The following BBS4 variants were observed in gnomAD, a reference collection of about 807,000 sequenced individuals.
BBS4 encodes the protein BBSome complex member BBS4.
Under a neutral mutation model 71.4 loss-of-function variants are expected in BBS4, and 58 were observed. The ratio of observed to expected loss-of-function variants is 0.81; its 90% confidence interval spans 0.66 to 1.01. The LOEUF is 1.01. BBS4 is among the 50% of genes least tolerant of loss of function. The pLI, the probability that BBS4 is intolerant of heterozygous loss-of-function variation, is 0.00. For synonymous variants in BBS4, 228 were observed against 216.8 expected (o/e 1.05, Z -0.46); for missense variants, 660 against 607.9 (o/e 1.09, Z -0.90).
intron 6 of BBS4, among the ~76,000 whole-genome samples, chr15:72,719,772 CAG>C (rs2065534116): frequency 7.5e-6 from 1 of 133,222 alleles, no homozygotes; most frequent in Non-Finnish European, 1.6e-5. Flanking sequence ...TTTGTTGAGA[CAG>C]AGTCTCATTC....
chr15:72,734,054 A>G (rs1847531294), intron 12 of BBS4, among the ~76,000 whole-genome samples: 3 of 152,318 alleles, frequency 2.0e-5, no homozygotes, highest in South Asian at 4.1e-4. Flanking sequence ...TTGGCTGCAT[A>G]CATGACTTCT....
Position 72,738,051 on chromosome 15 carries a change from C to CAAATATTAGATTAA in BBS4, c.*465_*478dup, listed in dbSNP as rs1331408453. ...GGTTTATTAGTCCCCAAGGCAAACACAAATATTAGATTAATAATCCAACTT... is the reference window on the plus strand; with the variant it reads ...GGTTTATTAGTCCCCAAGGCAAACACAAATATTAGATTAAAAATATTAGATTAATAATCCAACTT... On this transcript the variant is annotated 3_prime_UTR_variant, in exon 16 of 16. Transcript: ENST00000268057. 2.2e-6 allele frequency: 1 copy of CAAATATTAGATTAA among 453,784 alleles called. No individual in the cohort carries two copies. Among genetic ancestry groups the CAAATATTAGATTAA allele is most frequent in the African/African-American group, 2.0e-5 (1 of 49,904 alleles). The allele number at this position is 453,784 out of a possible 1,614,324, so 28.1% of individuals were successfully genotyped here.
chr15:72,700,349 C>G (rs193019710), intron 2 of BBS4, among the ~76,000 whole-genome samples: 1 of 152,150 alleles, frequency 6.6e-6, no homozygotes, highest in Admixed American at 6.5e-5. Context: ...TTTGTTTTAA[C>G]TTTATAATAA....
chr15:72,698,048 T>G (rs1157887028), intron 2 of BBS4: 1 of 455,870 alleles, frequency 2.2e-6, no homozygotes, highest in African/African-American at 2.0e-5. Flanking sequence ...GTGAGCGAAC[T>G]GATTTACTGC....
intron 4 of BBS4, among the ~76,000 whole-genome samples, chr15:72,712,782 A>G (rs1181986114): frequency 3.9e-5 from 6 of 152,222 alleles, no homozygotes; most frequent in Non-Finnish European, 8.8e-5. Context: ...TGTAGACTTT[A>G]TGTTGTATAC....
At chr15:72,688,046 CAAAAAAAAAAAAA>C (rs199931617) in intron 1 of BBS4, among the ~76,000 whole-genome samples, 5 of 84,890 alleles carry the variant, frequency 5.9e-5, no homozygotes, top group Admixed American at 1.3e-4. Context: ...GACTCCGTCT[CAAAAAAAAAAAAA>C]AAAAAAAAAA....
intron 1 of BBS4, among the ~76,000 whole-genome samples, chr15:72,692,299 T>C (rs1369675979): frequency 6.9e-6 from 1 of 144,694 alleles, no homozygotes; most frequent in Non-Finnish European, 1.5e-5. Flanking sequence ...ATAATTTACA[T>C]TGCAATTTTT....
chr15:72,690,571 T>A (rs1567394612), intron 1 of BBS4, among the ~76,000 whole-genome samples: 1 of 152,182 alleles, frequency 6.6e-6, no homozygotes, highest in Non-Finnish European at 1.5e-5. Flanking sequence ...AGTTAACATT[T>A]AAAAAACAGT....
At chr15:72,714,219 A>AGTTT (rs1296950657) in intron 4 of BBS4, among the ~76,000 whole-genome samples, 5 of 99,286 alleles carry the variant, frequency 5.0e-5, no homozygotes, top group Non-Finnish European at 8.3e-5. Flanking sequence ...CCACTCACTT[A>AGTTT]CTTTTTTTTT....
chr15:72,697,134 C>T (rs577608787), intron 2 of BBS4, among the ~76,000 whole-genome samples: 5 of 151,748 alleles, frequency 3.3e-5, no homozygotes, highest in Non-Finnish European at 7.4e-5. Context: ...GGTTTCACCA[C>T]GTTGGCCAGG....
chr15:72,692,134 C>T (rs56791193), intron 1 of BBS4, among the ~76,000 whole-genome samples: 1 of 151,918 alleles, frequency 6.6e-6, no homozygotes, highest in African/African-American at 2.4e-5. Context: ...TGTAGGTCTT[C>T]TGATGCAATA....
At chr15:72,688,656 G>C (rs768132183) in intron 1 of BBS4, among the ~76,000 whole-genome samples, 3 of 152,046 alleles carry the variant, frequency 2.0e-5, no homozygotes, top group Non-Finnish European at 2.9e-5. Context: ...GCACGCCTCG[G>C]TCTCCCAAAG....
chr15:72,688,494 A>G (rs1325625763), intron 1 of BBS4, among the ~76,000 whole-genome samples: 1 of 132,422 alleles, frequency 7.6e-6, no homozygotes, highest in Non-Finnish European at 1.5e-5. Context: ...GCTCAGTGGA[A>G]CCTCTGCCTC....
At chr15:72,734,316 A>G (rs1389851403) in intron 12 of BBS4, among the ~76,000 whole-genome samples, 1 of 152,262 alleles carries the variant, frequency 6.6e-6, no homozygotes, top group Non-Finnish European at 1.5e-5. Flanking sequence ...TAGAGATGGC[A>G]TTCAAACTGG....
chr15:72,690,944 T>C (rs1308298719), intron 1 of BBS4, among the ~76,000 whole-genome samples: 2 of 152,318 alleles, frequency 1.3e-5, no homozygotes, highest in Middle Eastern at 3.4e-3. Flanking sequence ...TTTTAATTTG[T>C]ATTTCCTTCA....
In BBS4 at chr15:72,735,252, T is replaced by C. The variant is rs557715870; in HGVS notation, c.1106+70T>C. On this transcript the variant is annotated intron_variant, in intron 13 of 15. Transcript: ENST00000268057. The stretch of plus-strand genomic sequence containing the variant: ...CAAAGCCATGAGGTGGTGCCATACA[T>C]AGCATTGGTGCTGCCTGTGTCAGCC... The C allele has an allele frequency of 2.5e-6, 3 of 1,216,192 alleles. No individual in the cohort carries two copies. In the South Asian group the frequency reaches 3.7e-5, roughly 15 times the overall value. The allele number at this position is 1,216,192 out of a possible 1,614,324, so 75.3% of individuals were successfully genotyped here.
At chr15:72,716,999 T>TCAAAAAC in intron 6 of BBS4, 149 bp downstream of exon 6, 1 of 675,976 alleles carries the variant, frequency 1.5e-6, no homozygotes, top group Non-Finnish European at 2.6e-6. Flanking sequence ...AAGTATAGGA[T>TCAAAAAC]CAAAAACCAT....
chr15:72,711,341 G>T (rs1165687972), intron 3 of BBS4, among the ~76,000 whole-genome samples: 1 of 151,466 alleles, frequency 6.6e-6, no homozygotes, highest in African/African-American at 2.4e-5. Flanking sequence ...TAGAGATGGG[G>T]TTTTTCCATG....
intron 1 of BBS4, chr15:72,686,982 A>T (rs980115027): frequency 4.8e-6 from 1 of 207,290 alleles, no homozygotes; most frequent in African/African-American, 2.3e-5. Context: ...TACAAATAGC[A>T]GCCTTTGGCT....
Sources: gnomAD v4.1 joint callset for allele counts (sites outside exome capture counted in the v4.1 genomes callset) on GRCh38, gnomAD v4.1.1 for gene constraint, MANE v1.5 for transcripts, NCBI Gene and HGNC (gene_info 2026-07-23, HGNC 2026-07-21) for gene names.